Variants in FAM222B observed in about 807,000 individuals in gnomAD.
The protein encoded by FAM222B is protein FAM222B.
FAM222B carries 12 observed loss-of-function variants against 38.0 expected under a neutral mutation model. The ratio of observed to expected loss-of-function variants is 0.32; its 90% CI spans 0.20 to 0.51. FAM222B has a LOEUF of 0.51. FAM222B is among the 20% of genes least tolerant of loss of function. The pLI, the probability that FAM222B is intolerant of heterozygous loss-of-function variation, is 0.97. For missense variants in FAM222B, 716 were observed against 754.2 expected (o/e 0.95, Z 0.59); for synonymous variants, 329 against 317.2 (o/e 1.04, Z -0.40).
At chr17:28,835,032 G>C (rs1268608241) in intron 1 of FAM222B, among the ~76,000 whole-genome samples, 2 of 136,332 alleles carry the variant, frequency 1.5e-5, no homozygotes, top group African/African-American at 5.8e-5. Flanking sequence ...TTTTGTGTGT[G>C]TGTGTGTGTG....
At chr17:28,836,037 T>G (rs2038836081) in intron 1 of FAM222B, among the ~76,000 whole-genome samples, 1 of 151,838 alleles carries the variant, frequency 6.6e-6, no homozygotes, top group Non-Finnish European at 1.5e-5. Context: ...TTGCCCGGGC[T>G]GGAGTGCAGT....
intron 1 of FAM222B, among the ~76,000 whole-genome samples, chr17:28,794,347 G>A (rs1417737937): frequency 6.6e-6 from 1 of 151,606 alleles, no homozygotes; most frequent in Non-Finnish European, 1.5e-5. Flanking sequence ...AGCCTCCCAA[G>A]TAGCTGGGAC....
At chr17:28,804,286 C>G (rs2037374671) in intron 1 of FAM222B, among the ~76,000 whole-genome samples, 1 of 152,074 alleles carries the variant, frequency 6.6e-6, no homozygotes, top group African/African-American at 2.4e-5. Context: ...AAGTCCTAAT[C>G]CCCTCTTATA....
chr17:28,822,852 T>C (rs865833161), intron 1 of FAM222B, among the ~76,000 whole-genome samples: 7 of 101,342 alleles, frequency 6.9e-5, no homozygotes, highest in Admixed American at 1.2e-4. Context: ...TATATATATA[T>C]ATATATATAT....
At chr17:28,791,018 C>T (rs1205409763) in intron 1 of FAM222B, among the ~76,000 whole-genome samples, 5 of 150,058 alleles carry the variant, frequency 3.3e-5, no homozygotes, top group African/African-American at 1.2e-4. Context: ...CCTGCCTGAG[C>T]CTCCTGAGTA....
At chr17:28,854,613 A>G (rs568691540) in intron 1 of FAM222B, among the ~76,000 whole-genome samples, 11 of 152,160 alleles carry the variant, frequency 7.2e-5, no homozygotes, top group Non-Finnish European at 1.5e-4. Context: ...AAGGATGGAA[A>G]GGACTAGGAA....
At chr17:28,767,029 G>T in intron 1 of FAM222B, 1 of 197,236 alleles carries the variant, frequency 5.1e-6, no homozygotes. Flanking sequence ...GGCCCTCATA[G>T]GGCCTGGCTC....
At chr17:28,771,436 C>T (rs1405331347) in intron 1 of FAM222B, among the ~76,000 whole-genome samples, 2 of 152,264 alleles carry the variant, frequency 1.3e-5, no homozygotes, top group African/African-American at 2.4e-5. Flanking sequence ...AATCCCAGCA[C>T]TTTGGGAGGC....
chr17:28,783,410 A>C (rs2036246011), intron 1 of FAM222B, among the ~76,000 whole-genome samples: 2 of 152,226 alleles, frequency 1.3e-5, no homozygotes, highest in Admixed American at 1.3e-4. Context: ...GAACACTGGA[A>C]GCACACTGAC....
At chr17:28,800,852 T>A (rs547544158) in intron 1 of FAM222B, among the ~76,000 whole-genome samples, 21 of 90,280 alleles carry the variant, frequency 2.3e-4, no homozygotes, top group African/African-American at 7.7e-4. Flanking sequence ...CACATTTTGT[T>A]GAAAAAAAAA....
In FAM222B at chr17:28,851,144, A is replaced by C. The variant is rs1003466830; in HGVS notation, c.-41+3806T>G. ...AAAACAAAACAAAACAAAACAAAAA[A>C]ATGTTCCAAGGCTAGGGGCAGTAAC... On this transcript the variant is annotated intron_variant, in intron 1 of 2. Coordinates refer to the FAM222B transcript ENST00000577513. Among the ~76,000 whole-genome samples, 11 of 151,564 alleles carry C rather than the reference A, an allele frequency of 7.3e-5. 1 individual carries two copies. The highest frequency in any genetic ancestry group is 1.5e-4 in the Non-Finnish European group (10 of 67,892).
chr17:28,805,139 T>G (rs551518847), intron 1 of FAM222B, among the ~76,000 whole-genome samples: 4 of 151,846 alleles, frequency 2.6e-5, no homozygotes, highest in Admixed American at 6.6e-5. Flanking sequence ...GGGAGGATCA[T>G]TGGAGCCCAG....
At position 28,759,883 on chromosome 17, in the gene FAM222B, A is replaced by G; in HGVS notation, c.83-7T>C. 6.6e-7 allele frequency: 1 copy of G among 1,512,718 alleles called. No homozygotes were observed. Among genetic ancestry groups the G allele is most frequent in the Admixed American group, 2.1e-5 (1 of 47,824 alleles). The allele number at this position is 1,512,718 out of a possible 1,614,324, so 93.7% of individuals were successfully genotyped here. A position where few individuals can be genotyped will look rare whatever the true frequency, so the allele number is the denominator to read the frequency against. The stretch of plus-strand genomic sequence containing the variant: ...ATTTTCTGTGTAGTGTCCCCTAGAG[A>G]GAGAGAATGGGAAGGAGAGCAAAGA... On this transcript the variant is annotated splice_polypyrimidine_tract_variant and splice_region_variant and intron_variant, in intron 2 of 2. Coordinates refer to ENST00000581407, the MANE Select transcript of FAM222B (RefSeq NM_001077498.3). The surrounding 1 kb of genome is among the most constrained non-coding windows in gnomAD (Gnocchi z 4.8).
chr17:28,834,383 ATC>A (rs35985728), intron 1 of FAM222B: 28,649 of 151,990 alleles, frequency 0.19, 2,827 homozygotes, highest in South Asian at 0.3. Context: ...ATTCCAACCC[ATC>A]TCTCACCTCA....
intron 1 of FAM222B, among the ~76,000 whole-genome samples, chr17:28,833,327 A>G (rs144540871): frequency 9.3e-5 from 14 of 151,048 alleles, no homozygotes; most frequent in African/African-American, 2.9e-4. Context: ...AAATAAATAA[A>G]TAAGTTCCAC....
At chr17:28,838,864 G>A (rs996800309) in intron 1 of FAM222B, among the ~76,000 whole-genome samples, 7 of 151,654 alleles carry the variant, frequency 4.6e-5, no homozygotes, top group African/African-American at 1.5e-4. Flanking sequence ...CTGAGATCTC[G>A]CCATTGCACT....
intron 1 of FAM222B, among the ~76,000 whole-genome samples, chr17:28,791,338 G>A (rs1008326690): frequency 5.3e-5 from 8 of 152,020 alleles, no homozygotes; most frequent in Non-Finnish European, 1.0e-4. Flanking sequence ...TCTCTAAATT[G>A]GTGAGTGTGC....
intron 1 of FAM222B, chr17:28,790,509 T>C (rs1453516121): frequency 1.3e-5 from 2 of 152,126 alleles, no homozygotes; most frequent in African/African-American, 4.8e-5. Context: ...AATAACTTAA[T>C]AGCATCAAGG....
chr17:28,781,721 CA>C (rs910598527), intron 1 of FAM222B, among the ~76,000 whole-genome samples: 2 of 152,088 alleles, frequency 1.3e-5, no homozygotes, highest in African/African-American at 4.8e-5. Flanking sequence ...GAAATCCTGC[CA>C]TTTTAAGTAA....
Sources: allele counts gnomAD v4.1 joint callset (sites outside exome capture counted in the v4.1 genomes callset), GRCh38; gene constraint gnomAD v4.1.1; non-coding constraint Gnocchi (gnomAD v3.1); transcripts MANE v1.5; gene names NCBI Gene and HGNC (gene_info 2026-07-23, HGNC 2026-07-21).